The following MEI1 variants were observed in gnomAD, a reference collection of about 807,000 sequenced individuals.
The protein encoded by MEI1 is meiotic double-stranded break formation protein 1.
In MEI1, 103 loss-of-function variants were observed where a neutral mutation model predicts 146.2. That is an observed-to-expected ratio of 0.70 (90% CI 0.60 to 0.83). MEI1 has a LOEUF of 0.83. MEI1 is among the 40% of genes least tolerant of loss of function. The probability of loss-of-function intolerance (pLI) is 0.00; values close to 1 mark genes in which losing one functional copy is unlikely to be tolerated. For missense variants in MEI1, 1,529 were observed against 1,533.0 expected, an observed-to-expected ratio of 1.00 and a Z score of 0.04; for synonymous variants, 652 against 628.2, an observed-to-expected ratio of 1.04 and a Z score of -0.57.
chr22:41,753,020 A>ATTT (rs973303798), intron 16 of MEI1, among the ~76,000 whole-genome samples: 2 of 142,088 alleles, frequency 1.4e-5, no homozygotes, highest in African/African-American at 2.6e-5. Context: ...GGTCTCTACA[A>ATTT]TTTTTTTTTT....
intron 22 of MEI1, among the ~76,000 whole-genome samples, chr22:41,780,886 A>G (rs890037060): frequency 2.0e-5 from 3 of 152,292 alleles, no homozygotes; most frequent in Admixed American, 2.0e-4. Context: ...CGGAGGCCTG[A>G]GCTGAATCTT....
At chr22:41,732,731 T>C (rs2071972623) in intron 11 of MEI1, 128 bp downstream of exon 11, 6 of 1,085,300 alleles carry the variant, frequency 5.5e-6, no homozygotes, top group Non-Finnish European at 6.3e-6. Flanking sequence ...CCCTTCATAA[T>C]TGTGGATTCC....
chr22:41,751,066 G>T (rs2147846433), intron 15 of MEI1, among the ~76,000 whole-genome samples: 1 of 152,178 alleles, frequency 6.6e-6, no homozygotes, highest in Admixed American at 6.5e-5. Context: ...AGGATCAGAG[G>T]CTCAACCTGC....
Position 41,776,377 on chromosome 22 carries a change from AAAAG to A in MEI1, c.2710+115_2710+118del, listed in dbSNP as rs952611693. 9.0e-5 allele frequency: 110 copies of A among 1,225,690 alleles called. 1 individual carries two copies. In the Middle Eastern group the frequency reaches 1.1e-3, roughly 13 times the overall value. The allele number at this position is 1,225,690 out of a possible 1,614,324, so 75.9% of individuals were successfully genotyped here. Reference sequence around the variant, plus strand: ...GAGAGAGAATCAGGGTTTTATCTGAAAAAGAAAGCCAGGCCATTGTGGCATCAAG... The same window carrying A: ...GAGAGAGAATCAGGGTTTTATCTGAAAAAGCCAGGCCATTGTGGCATCAAG... On this transcript the variant is annotated intron_variant, in intron 21 of 30. Transcript: ENST00000401548.
At chr22:41,789,394 G>A (rs976689733) in intron 26 of MEI1, among the ~76,000 whole-genome samples, 2 of 152,050 alleles carry the variant, frequency 1.3e-5, no homozygotes, top group African/African-American at 4.8e-5. Context: ...GACCTCCTGG[G>A]CTCAAGCAAT....
intron 26 of MEI1, among the ~76,000 whole-genome samples, chr22:41,787,483 A>G (rs896032687): frequency 1.3e-5 from 2 of 152,166 alleles, no homozygotes; most frequent in African/African-American, 4.8e-5. Flanking sequence ...CTGTGTTTGC[A>G]TTATGGACAC....
intron 2 of MEI1, 121 bp from the exon 3 acceptor site, chr22:41,705,383 G>T: frequency 3.6e-6 from 3 of 843,878 alleles, no homozygotes; most frequent in Non-Finnish European, 6.1e-6. Context: ...TATTGGTCAG[G>T]CTTTTCTTGA....
At chr22:41,750,672 G>A (rs73426979) in intron 15 of MEI1, among the ~76,000 whole-genome samples, 12,180 of 152,192 alleles carry the variant, frequency 0.08, 1,341 homozygotes, top group African/African-American at 0.25. Context: ...GGAAGGAGCA[G>A]TAGAGAGACT....
Position 41,703,349 on chromosome 22 carries a change from A to G in MEI1, c.193A>G (p.Met65Val), listed in dbSNP as rs1555914654. 1.9e-6 allele frequency: 3 copies of G among 1,612,676 alleles called. No individual in the cohort carries two copies. The highest frequency in any genetic ancestry group is 1.1e-5 in the South Asian group (1 of 90,754). The change falls in exon 2 of 31, where the codon ATG (methionine) becomes GTG (valine). Residue 65 changes from methionine (M) to valine (V), a missense_variant. By Grantham distance (21) the Met-to-Val change is conservative (BLOSUM62 1). Around this residue, in one of 3 missense-constraint regions of MEI1, gnomAD observed 1,212 missense variants for 1,178.9 expected, o/e 1.03. Coordinates refer to ENST00000401548, the MANE Select transcript of MEI1 (RefSeq NM_152513.4). ...CTTCAAGTTAGTGCGCAAGAAGCAC[A>G]TGTTGTCCTGCTTCCAAGATGCCCT... is the stretch of plus-strand genomic sequence containing the variant. ...PGVSLVRKKH[M>V]LSCFQDALVR...
chr22:41,781,944 G>A (rs1259791329), intron 24 of MEI1, 99 bp downstream of exon 24: 3 of 1,368,040 alleles, frequency 2.2e-6, no homozygotes, highest in African/African-American at 1.4e-5. Flanking sequence ...CTTATTAGCT[G>A]TGTGACCTTG....
intron 11 of MEI1, among the ~76,000 whole-genome samples, chr22:41,737,736 C>T (rs1232341551): frequency 6.6e-6 from 1 of 152,072 alleles, no homozygotes; most frequent in Non-Finnish European, 1.5e-5. Context: ...CCGCCTCCCC[C>T]CACTAAAATA....
intron 23 of MEI1, 86 bp downstream of exon 23, chr22:41,781,480 A>G (rs767589841): frequency 4.7e-6 from 6 of 1,265,868 alleles, no homozygotes; most frequent in Non-Finnish European, 5.6e-6. Flanking sequence ...AAAAAAACAA[A>G]TAGGGTTGTG....
rs558660789 is a variant in MEI1, at chr22:41,761,306, GTGTTTTTTTTT to G, written c.2121-1855_2121-1845del. 9.5e-3 allele frequency among the ~76,000 whole-genome samples: 1,302 copies of G among 137,296 alleles called. 17 individuals carry two copies. Among genetic ancestry groups the G allele is most frequent in the Non-Finnish European group, 9.4e-3 (614 of 65,524 alleles). 90.1% of individuals were successfully genotyped at this position (137,296 alleles called of 152,430 possible). A position where few individuals can be genotyped will look rare whatever the true frequency, so the allele number is the denominator to read the frequency against. On this transcript the variant is annotated intron_variant, in intron 18 of 30. Transcript: ENST00000401548. ...AGCTTGGGCGACAGAGTGAGACTCA[GTGTTTTTTTTT>G]TGTTTTTTTTTTTTTGAGACGGAGA...
intron 1 of MEI1, among the ~76,000 whole-genome samples, chr22:41,700,031 C>T (rs1045924348): frequency 2.0e-5 from 3 of 152,262 alleles, no homozygotes; most frequent in Non-Finnish European, 4.4e-5. Flanking sequence ...TGGCTCCTTC[C>T]CTTTGCTGCC....
chr22:41,712,296 G>A (rs866088478), intron 3 of MEI1, among the ~76,000 whole-genome samples: 20 of 150,388 alleles, frequency 1.3e-4, no homozygotes, highest in African/African-American at 4.6e-4. Context: ...GTGCAGTGGC[G>A]CGATCTTGGC....
At chr22:41,788,810 C>T (rs1381487816) in intron 26 of MEI1, among the ~76,000 whole-genome samples, 1 of 152,128 alleles carries the variant, frequency 6.6e-6, no homozygotes, top group East Asian at 1.9e-4. Flanking sequence ...GTCTCCCTGG[C>T]CTGTGACATT....
In MEI1 at chr22:41,796,837, C is replaced by G. The variant is rs1423357207; in HGVS notation, c.3779+990C>G. On this transcript the variant is annotated intron_variant, in intron 30 of 30. Transcript: ENST00000401548. ...TGGCATGTGCCTGTAGTCCTAGCTA[C>G]TCGGGAGGCTGAGGCACAAGAATCG... is the stretch of plus-strand genomic sequence containing the variant. Among the ~76,000 whole-genome samples the G allele has an allele frequency of 2.0e-5, 3 of 152,054 alleles. No homozygotes were observed. In the East Asian group the frequency reaches 5.8e-4, roughly 29 times the overall value.
intron 11 of MEI1, among the ~76,000 whole-genome samples, chr22:41,734,026 G>A (rs751018609): frequency 2.6e-5 from 4 of 151,984 alleles, no homozygotes; most frequent in Non-Finnish European, 5.9e-5. Context: ...TACTCAGGAG[G>A]CTGAGATAGG....
Position 41,781,321 on chromosome 22 carries a change from G to A in MEI1, c.2853G>A (p.Val951=). Residue 951 remains valine, a synonymous_variant, in exon 23 of 31, where the codon GTG becomes GTA. Transcript: ENST00000401548. ...KLCGKCSPTD[V]DILQPSFNFL... ...GTGGGAAGTGCAGCCCCACTGACGTGGACATCCTGCAGCCCTCCTTCAACT... is the reference window on the plus strand; with the variant it reads ...GTGGGAAGTGCAGCCCCACTGACGTAGACATCCTGCAGCCCTCCTTCAACT... 1 of 1,613,354 alleles carries A rather than the reference G, an allele frequency of 6.2e-7. No individual in the cohort carries two copies. The highest frequency in any genetic ancestry group is 8.5e-7 in the Non-Finnish European group (1 of 1,179,712).
Sources: allele counts gnomAD v4.1 joint callset (sites outside exome capture counted in the v4.1 genomes callset), GRCh38; gene constraint gnomAD v4.1.1; regional missense constraint gnomAD v4.1.1; transcripts MANE v1.5; gene names NCBI Gene and HGNC (gene_info 2026-07-23, HGNC 2026-07-21).